The following MYT1L variants were observed in gnomAD, a reference collection of about 807,000 sequenced individuals.
MYT1L encodes the protein myelin transcription factor 1-like protein.
Under a neutral mutation model 126.7 loss-of-function variants are expected in MYT1L, and 12 were observed. That is an observed-to-expected ratio of 0.09 (90% CI 0.06 to 0.15). MYT1L has a LOEUF of 0.15. Ranked by LOEUF, MYT1L falls within the 10% of genes least tolerant of loss-of-function variation. MYT1L has a pLI of 1.00. For synonymous variants in MYT1L, 541 were observed against 604.2 expected (o/e 0.90, Z 1.53); for missense variants, 979 against 1,585.2 (o/e 0.62, Z 6.49).
chr2:2,089,587 T>C (rs943884589), intron 3 of MYT1L, among the ~76,000 whole-genome samples: 2 of 152,152 alleles, frequency 1.3e-5, no homozygotes, highest in Non-Finnish European at 2.9e-5. Context: ...TCAGCAGAGA[T>C]TCAGAAATAT....
intron 19 of MYT1L, among the ~76,000 whole-genome samples, chr2:1,847,466 CG>C (rs1442669166): frequency 6.6e-6 from 1 of 152,058 alleles, no homozygotes; most frequent in East Asian, 1.9e-4. Context: ...CTATGAAAAA[CG>C]CATGTGGGAC....
At chr2:1,877,281 C>T (rs1023270014) in intron 18 of MYT1L, among the ~76,000 whole-genome samples, 9 of 151,980 alleles carry the variant, frequency 5.9e-5, no homozygotes, top group South Asian at 2.1e-4. Flanking sequence ...TATGATGCAG[C>T]GATTAAAAAT....
intron 21 of MYT1L, among the ~76,000 whole-genome samples, chr2:1,833,760 C>G (rs112026780): frequency 1.3e-5 from 2 of 152,234 alleles, no homozygotes; most frequent in African/African-American, 4.8e-5. Flanking sequence ...CTTGCCAACC[C>G]TAAAGATAAA....
In MYT1L at chr2:2,160,046, G is replaced by A. The variant is rs116071875; in HGVS notation, c.-304+12826C>T. On this transcript the variant is annotated intron_variant, in intron 3 of 24. Transcript: ENST00000647738. Reference sequence around the variant, plus strand: ...TGTCTCTCTGTGTCTCAGTTTCCTCGTCTGCAGATGAGGATGATCATAGTA... The same window carrying A: ...TGTCTCTCTGTGTCTCAGTTTCCTCATCTGCAGATGAGGATGATCATAGTA... 6.5e-3 allele frequency among the ~76,000 whole-genome samples: 986 copies of A among 152,192 alleles called. 11 individuals carry two copies. Among genetic ancestry groups the A allele is most frequent in the African/African-American group, 0.022 (920 of 41,516 alleles).
At chr2:2,311,817 C>T (rs1030120557) in intron 1 of MYT1L, among the ~76,000 whole-genome samples, 2 of 152,204 alleles carry the variant, frequency 1.3e-5, no homozygotes, top group African/African-American at 4.8e-5. Flanking sequence ...GAAACAGTCA[C>T]TTCAGCTGTC....
At chr2:1,932,923 G>C (rs2055214455) in intron 9 of MYT1L, among the ~76,000 whole-genome samples, 1 of 152,134 alleles carries the variant, frequency 6.6e-6, no homozygotes, top group African/African-American at 2.4e-5. Flanking sequence ...GCTGAAGCCA[G>C]GGAAGCCTGG....
rs1440850007 is a variant in MYT1L, at chr2:2,119,078, G to C, written c.-304+53794C>G. 2.0e-5 allele frequency among the ~76,000 whole-genome samples: 3 copies of C among 152,204 alleles called. No homozygotes were observed. The East Asian group carries it at 5.8e-4, about 29-fold the overall frequency. On this transcript the variant is annotated intron_variant, in intron 3 of 24. Coordinates refer to ENST00000647738, the MANE Select transcript of MYT1L (RefSeq NM_001303052.2). ...TACAGAATATCTCTAGCTACTGGTT[G>C]GGTTTGCATTTACACTGAAACCTTA... is the stretch of plus-strand genomic sequence containing the variant.
At chr2:2,154,034 G>A (rs763408390) in intron 3 of MYT1L, among the ~76,000 whole-genome samples, 7 of 152,168 alleles carry the variant, frequency 4.6e-5, no homozygotes, top group South Asian at 2.1e-4. Flanking sequence ...GGTGCTGCCC[G>A]AGGGGCTGGC....
At position 1,858,984 on chromosome 2, in the gene MYT1L, T is replaced by G. The variant is rs369328568; in HGVS notation, c.2712-7281A>C. Among the ~76,000 whole-genome samples, 8 of 152,300 alleles carry G rather than the reference T, an allele frequency of 5.3e-5. No individual in the cohort carries two copies. The East Asian group carries it at 1.2e-3, about 22-fold the overall frequency. On this transcript the variant is annotated intron_variant, in intron 18 of 24. Coordinates refer to ENST00000647738, the MANE Select transcript of MYT1L (RefSeq NM_001303052.2). The stretch of plus-strand genomic sequence containing the variant: ...AAGGGTGCGGCGGCATGCCTGCTAC[T>G]TGGAAGTACCAGATACTGCAAGAGT...
intron 3 of MYT1L, among the ~76,000 whole-genome samples, chr2:2,112,464 T>C (rs922918722): frequency 9.9e-5 from 15 of 152,214 alleles, no homozygotes; most frequent in African/African-American, 3.6e-4. Flanking sequence ...GTTAACACAA[T>C]TGTACTGACT....
At position 1,913,594 on chromosome 2, in the gene MYT1L, G is replaced by A. The variant is rs184139956; in HGVS notation, c.1619-1484C>T. Among the ~76,000 whole-genome samples, 224 of 152,210 alleles carry A rather than the reference G, an allele frequency of 1.5e-3. 1 individual carries two copies. The highest frequency in any genetic ancestry group is 3.9e-3 in the African/African-American group (162 of 41,530). ...TCTTCTTTATCATTTGTCCACCACC[G>A]TGTGACAACAGCACACGAATGCTTC... is the stretch of plus-strand genomic sequence containing the variant. On this transcript the variant is annotated intron_variant, in intron 11 of 24. Transcript: ENST00000647738.
At chr2:2,264,575 G>A (rs775311453) in intron 2 of MYT1L, among the ~76,000 whole-genome samples, 3 of 152,162 alleles carry the variant, frequency 2.0e-5, no homozygotes, top group Non-Finnish European at 4.4e-5. Flanking sequence ...TGGCTTCGAT[G>A]GACTTCAGGT....
chr2:1,813,186 A>G (rs2036973556), intron 21 of MYT1L, among the ~76,000 whole-genome samples: 1 of 151,912 alleles, frequency 6.6e-6, no homozygotes, highest in East Asian at 1.9e-4. Context: ...GGTGGGGGGG[A>G]GAGAGGGAGG....
At chr2:1,833,462 C>T (rs952772935) in intron 21 of MYT1L, among the ~76,000 whole-genome samples, 10 of 152,152 alleles carry the variant, frequency 6.6e-5, no homozygotes, top group African/African-American at 2.4e-4. Context: ...CCTGAGCTGT[C>T]CGCTCTGCTG....
intron 2 of MYT1L, among the ~76,000 whole-genome samples, chr2:2,212,176 T>C (rs1238928811): frequency 6.6e-6 from 1 of 150,902 alleles, no homozygotes; most frequent in Non-Finnish European, 1.5e-5. Context: ...TACAAATAGA[T>C]TTGTATTTTT....
chr2:2,238,724 A>G (rs1387033422), intron 2 of MYT1L, among the ~76,000 whole-genome samples: 1 of 152,246 alleles, frequency 6.6e-6, no homozygotes. Context: ...AACTTGTGAT[A>G]AAAACGCTTT....
chr2:2,268,097 A>C (rs1380012025), intron 2 of MYT1L, among the ~76,000 whole-genome samples: 4 of 152,222 alleles, frequency 2.6e-5, no homozygotes, highest in Non-Finnish European at 5.9e-5. Flanking sequence ...AGTTTAAAAC[A>C]AGGTCATTTT....
chr2:2,225,073 C>G (rs986867753), intron 2 of MYT1L, among the ~76,000 whole-genome samples: 1 of 151,728 alleles, frequency 6.6e-6, no homozygotes, highest in Non-Finnish European at 1.5e-5. Context: ...AGACATCCAC[C>G]TTTAGAGATG....
rs368513449 is a variant in MYT1L, at chr2:2,146,887, C to A, written c.-304+25985G>T. ...GTGTGACCTTGAACATCCTTCACAG[C>A]CATCAGCACTAAATATAAGGCTTTT... On this transcript the variant is annotated intron_variant, in intron 3 of 24. Transcript: ENST00000647738. Among the ~76,000 whole-genome samples the A allele has an allele frequency of 2.6e-5, 4 of 152,144 alleles. No homozygotes were observed. In the South Asian group the frequency reaches 8.3e-4, roughly 32 times the overall value.
Sources: gnomAD v4.1 joint callset for allele counts (sites outside exome capture counted in the v4.1 genomes callset) on GRCh38, gnomAD v4.1.1 for gene constraint, MANE v1.5 for transcripts, NCBI Gene and HGNC (gene_info 2026-07-23, HGNC 2026-07-21) for gene names.